PCDHGA4: variants seen among roughly 807,000 people sequenced by gnomAD.
The protein encoded by PCDHGA4 is protocadherin gamma-A4.
Under a neutral mutation model 54.6 loss-of-function variants are expected in PCDHGA4, and 38 were observed. That is an observed-to-expected ratio of 0.70 (90% CI 0.54 to 0.91). The LOEUF (loss-of-function observed/expected upper bound fraction) is 0.91, where lower values mean the gene tolerates loss of function less well. Ranked by LOEUF, PCDHGA4 falls within the 40% of genes least tolerant of loss-of-function variation. The pLI is 0.00. For synonymous variants in PCDHGA4, 511 were observed against 512.9 expected, an observed-to-expected ratio of 1.00 and a Z score of 0.05; for missense variants, 1,298 against 1,220.9, an observed-to-expected ratio of 1.06 and a Z score of -0.94.
chr5:141,423,956 A>T, intron 1 of PCDHGA4: 4 of 1,182,724 alleles, frequency 3.4e-6, no homozygotes, highest in Non-Finnish European at 4.2e-6. Context: ...TTTTAGTATT[A>T]TTTTTCTATT....
intron 1 of PCDHGA4, among the ~76,000 whole-genome samples, chr5:141,466,815 A>G (rs1019952491): frequency 1.3e-5 from 2 of 152,182 alleles, no homozygotes; most frequent in Non-Finnish European, 2.9e-5. Flanking sequence ...CAGACATGGT[A>G]TAACAAGTTA....
At chr5:141,409,995 C>A (rs777416137) in intron 1 of PCDHGA4, 2 of 1,613,308 alleles carry the variant, frequency 1.2e-6, no homozygotes, top group Admixed American at 3.3e-5. Flanking sequence ...GACGCCGACT[C>A]GGGACACAAC....
intron 1 of PCDHGA4, chr5:141,423,780 T>C: frequency 8.0e-7 from 1 of 1,243,766 alleles, no homozygotes; most frequent in Non-Finnish European, 1.0e-6. Flanking sequence ...ATATATTTAG[T>C]TCATATATAT....
intron 2 of PCDHGA4, among the ~76,000 whole-genome samples, chr5:141,503,010 A>T (rs1595838084): frequency 6.8e-6 from 1 of 146,772 alleles, no homozygotes; most frequent in East Asian, 2.0e-4. Context: ...TGCCCGGTTA[A>T]TTTTTTTTTT....
chr5:141,364,872 A>G (rs760519562), intron 1 of PCDHGA4: 6 of 1,613,890 alleles, frequency 3.7e-6, no homozygotes, highest in Non-Finnish European at 5.1e-6. Context: ...TTCTCTCTGG[A>G]TGTGGTAAGC....
rs2099631185 is a variant in PCDHGA4, at chr5:141,486,568, T to C, written c.2515-8239T>C. Reference sequence around the variant, plus strand: ...AGAGGTCACATGAGGTGTTTGTTCCTGAGAACAATCGCCCAGGGGACCTGC... The same window carrying C: ...AGAGGTCACATGAGGTGTTTGTTCCCGAGAACAATCGCCCAGGGGACCTGC... On this transcript the variant is annotated intron_variant, in intron 1 of 3. Coordinates refer to ENST00000571252, the MANE Select transcript of PCDHGA4 (RefSeq NM_018917.4). The surrounding 1 kb of genome is among the most constrained non-coding windows in gnomAD (Gnocchi z 5.0). 1.9e-6 allele frequency: 3 copies of C among 1,613,862 alleles called. No homozygotes were observed. The South Asian group carries it at 3.3e-5, about 18-fold the overall frequency.
intron 1 of PCDHGA4, chr5:141,372,498 C>A: frequency 6.2e-7 from 1 of 1,614,054 alleles, no homozygotes; most frequent in Admixed American, 1.7e-5. Context: ...GATCTCAGTG[C>A]TCTTCCTCCT....
intron 1 of PCDHGA4, among the ~76,000 whole-genome samples, chr5:141,435,651 C>T (rs762264332): frequency 1.4e-4 from 22 of 152,044 alleles, no homozygotes; most frequent in Non-Finnish European, 2.9e-4. Flanking sequence ...ATTTCTGAAA[C>T]GTGCACAGAT....
chr5:141,382,683 G>C, intron 1 of PCDHGA4: 1 of 444,266 alleles, frequency 2.3e-6, no homozygotes, highest in Non-Finnish European at 4.0e-6. Flanking sequence ...ACCAACCAGG[G>C]AAAAATGGTG....
chr5:141,474,371 G>A (rs909237592), intron 1 of PCDHGA4, among the ~76,000 whole-genome samples: 1 of 152,180 alleles, frequency 6.6e-6, no homozygotes, highest in African/African-American at 2.4e-5. Flanking sequence ...TAGGTCTAGA[G>A]GAGGGCATTT....
chr5:141,397,974 C>A (rs1248429844), intron 1 of PCDHGA4: 3 of 1,174,340 alleles, frequency 2.6e-6, no homozygotes, highest in African/African-American at 1.6e-5. Flanking sequence ...TCCCCAGCGC[C>A]GGCCTTTACA....
At chr5:141,440,983 G>A (rs2154559140) in intron 1 of PCDHGA4, 1 of 152,314 alleles carries the variant, frequency 6.6e-6, no homozygotes, top group South Asian at 2.1e-4. Flanking sequence ...TCACAACCCA[G>A]AGTACCCATA....
Position 141,432,617 on chromosome 5 carries a change from G to T in PCDHGA4, c.2515-62190G>T, listed in dbSNP as rs2097521313. The T allele has an allele frequency of 6.2e-7, 1 of 1,613,578 alleles. No homozygotes were observed. The highest frequency in any genetic ancestry group is 1.3e-5 in the African/African-American group (1 of 74,842). On this transcript the variant is annotated intron_variant, in intron 1 of 3. Coordinates refer to ENST00000571252, the MANE Select transcript of PCDHGA4 (RefSeq NM_018917.4). This position sits in a 1 kb window ranked among gnomAD's most constrained non-coding sequence, Gnocchi z 6.0. ...CAGCGAGCCGGGACTCTTCTCGGTGGGTCTGCACACGGGCGAGGTGCGCAC... is the reference window on the plus strand; with the variant it reads ...CAGCGAGCCGGGACTCTTCTCGGTGTGTCTGCACACGGGCGAGGTGCGCAC...
At chr5:141,412,189 T>C (rs560869081) in intron 1 of PCDHGA4, 21 of 152,370 alleles carry the variant, frequency 1.4e-4, no homozygotes, top group Admixed American at 1.2e-3. Context: ...AATGCTCTGA[T>C]GAAAACAGGT....
chr5:141,398,048 G>T, intron 1 of PCDHGA4: 2 of 1,506,604 alleles, frequency 1.3e-6, no homozygotes, highest in South Asian at 1.3e-5. Flanking sequence ...CCCGTTCGGA[G>T]ATCCAAAAAT....
At chr5:141,382,749 G>T in intron 1 of PCDHGA4, 1 of 612,210 alleles carries the variant, frequency 1.6e-6, no homozygotes, top group Non-Finnish European at 2.8e-6. Context: ...GACAGATTGC[G>T]ATAAGCCCTC....
chr5:141,435,467 G>A (rs1019246812), intron 1 of PCDHGA4, among the ~76,000 whole-genome samples: 3 of 152,146 alleles, frequency 2.0e-5, no homozygotes, highest in Non-Finnish European at 2.9e-5. Context: ...GTGTTTCCAA[G>A]TTAGACATTT....
At position 141,414,753 on chromosome 5, in the gene PCDHGA4, T is replaced by C. The variant is rs10041534; in HGVS notation, c.2514+57132T>C. 7.9e-4 allele frequency: 1,273 copies of C among 1,614,202 alleles called. 15 individuals carry two copies. The African/African-American group carries it at 0.015, about 19-fold the overall frequency. ...TGTATGCACTCAGATCCTTCGACTA[T>C]GAGCAGTTTCATGAGCTACAGATGC... On this transcript the variant is annotated intron_variant, in intron 1 of 3. Transcript: ENST00000571252.
intron 1 of PCDHGA4, among the ~76,000 whole-genome samples, chr5:141,483,393 C>T (rs1475344614): frequency 6.6e-6 from 1 of 152,080 alleles, no homozygotes; most frequent in Admixed American, 6.5e-5. Flanking sequence ...TTGATAAATG[C>T]TTGAACCAGC....
Sources: allele counts gnomAD v4.1 joint callset (sites outside exome capture counted in the v4.1 genomes callset), GRCh38; gene constraint gnomAD v4.1.1; non-coding constraint Gnocchi (gnomAD v3.1); transcripts MANE v1.5; gene names NCBI Gene and HGNC (gene_info 2026-07-23, HGNC 2026-07-21).